The following TRPM3 variants were observed in gnomAD, a reference collection of about 807,000 sequenced individuals.
TRPM3 encodes the protein long transient receptor potential channel 3.
In TRPM3, 77 loss-of-function variants were observed where a neutral mutation model predicts 181.2. The observed-to-expected ratio is 0.42, with a 90% CI of 0.35 to 0.51. TRPM3 has a LOEUF of 0.51. Ranked by LOEUF, TRPM3 falls within the 20% of genes least tolerant of loss-of-function variation. TRPM3 has a pLI of 0.01. For missense variants in TRPM3, 1,759 were observed against 2,196.7 expected (o/e 0.80, Z 3.98); for synonymous variants, 745 against 796.4 (o/e 0.94, Z 1.09).
intron 22 of TRPM3, among the ~76,000 whole-genome samples, chr9:70,589,287 G>C (rs1192612717): frequency 6.6e-6 from 1 of 152,112 alleles, no homozygotes; most frequent in Admixed American, 6.5e-5. Flanking sequence ...TGTTGCACTA[G>C]GCTGGGTTCA....
intron 1 of TRPM3, among the ~76,000 whole-genome samples, chr9:71,107,607 T>C (rs1167042668): frequency 1.3e-5 from 2 of 152,162 alleles, no homozygotes; most frequent in Non-Finnish European, 2.9e-5. Context: ...AATGAATAAG[T>C]ATGTGAAGAG....
chr9:70,739,685 A>C (rs2073585306), intron 8 of TRPM3, among the ~76,000 whole-genome samples: 1 of 151,910 alleles, frequency 6.6e-6, no homozygotes, highest in African/African-American at 2.4e-5. Context: ...ATCTCAATTC[A>C]CTGCAACTTC....
At chr9:70,936,758 A>T (rs1335166318) in intron 1 of TRPM3, among the ~76,000 whole-genome samples, 1 of 152,200 alleles carries the variant, frequency 6.6e-6, no homozygotes, top group Non-Finnish European at 1.5e-5. Flanking sequence ...TTCACTCCAG[A>T]AGAGAGCTGT....
At chr9:70,569,123 T>C (rs1310236605) in intron 22 of TRPM3, among the ~76,000 whole-genome samples, 1 of 152,198 alleles carries the variant, frequency 6.6e-6, no homozygotes, top group African/African-American at 2.4e-5. Flanking sequence ...CTAGGAAATA[T>C]CATTTATATT....
intron 7 of TRPM3, chr9:70,775,401 C>G (rs974001934): frequency 6.6e-6 from 1 of 152,196 alleles, no homozygotes; most frequent in African/African-American, 2.4e-5. Context: ...GCTTGGAGAA[C>G]AGTGGGGAGG....
chr9:70,980,650 C>G, intron 1 of TRPM3, among the ~76,000 whole-genome samples: 1 of 152,166 alleles, frequency 6.6e-6, no homozygotes, highest in East Asian at 1.9e-4. Context: ...CTGTTTCCAT[C>G]TCTTTTACTT....
chr9:71,249,638 G>GA (rs569782944), intron 1 of TRPM3, among the ~76,000 whole-genome samples: 1 of 151,970 alleles, frequency 6.6e-6, no homozygotes, highest in Non-Finnish European at 1.5e-5. Flanking sequence ...GATAAAAAGG[G>GA]AAAAAAATTA....
chr9:70,564,864 CATT>C (rs1405719489), intron 22 of TRPM3, among the ~76,000 whole-genome samples: 2 of 152,186 alleles, frequency 1.3e-5, no homozygotes, highest in African/African-American at 4.8e-5. Context: ...TTCCTGCTGA[CATT>C]ATTTACAAAT....
intron 1 of TRPM3, among the ~76,000 whole-genome samples, chr9:71,076,867 T>A (rs1026096737): frequency 6.6e-6 from 1 of 152,170 alleles, no homozygotes; most frequent in African/African-American, 2.4e-5. Context: ...AAAACTAGAC[T>A]ACAAACTCAA....
At chr9:71,071,470 G>C (rs2062757721) in intron 1 of TRPM3, among the ~76,000 whole-genome samples, 1 of 152,156 alleles carries the variant, frequency 6.6e-6, no homozygotes, top group Non-Finnish European at 1.5e-5. Flanking sequence ...CAAATGATGA[G>C]AGATTGTTAG....
rs1465234311 is a variant in TRPM3 at position 70,769,607 on chromosome 9, GTTAT to G, written c.1149-7887_1149-7884del. Among the ~76,000 whole-genome samples the G allele has an allele frequency of 2.6e-5, 4 of 152,028 alleles. No individual in the cohort carries two copies. The South Asian group carries it at 8.3e-4, about 32-fold the overall frequency. The stretch of plus-strand genomic sequence containing the variant: ...ATCAAGACATTGCAGTGTATCCCAT[GTTAT>G]TTGTCAATTAAAAATAAAATTTAAG... On this transcript the variant is annotated intron_variant, in intron 7 of 25. Transcript: ENST00000677713.
rs139310932 is a variant in TRPM3 at position 70,907,402 on chromosome 9, C to T, written c.178-42891G>A. ...GATGATTTTGCTCTTAAAATGTCTC[C>T]GAAGTAAGTGCTGAAGTGCTGTGTA... On this transcript the variant is annotated intron_variant, in intron 1 of 25. Transcript: ENST00000677713. 8.0e-4 allele frequency among the ~76,000 whole-genome samples: 121 copies of T among 152,172 alleles called. 1 individual carries two copies. The South Asian group carries it at 0.014, about 18-fold the overall frequency.
chr9:71,051,944 T>C (rs142507714), intron 1 of TRPM3, among the ~76,000 whole-genome samples: 12 of 152,144 alleles, frequency 7.9e-5, no homozygotes, highest in African/African-American at 2.6e-4. Flanking sequence ...AGGGGGGTTG[T>C]TTCCGTATCT....
At chr9:71,056,832 AGTGTATG>A (rs1326072160) in intron 1 of TRPM3, among the ~76,000 whole-genome samples, 1 of 151,978 alleles carries the variant, frequency 6.6e-6, no homozygotes, top group Non-Finnish European at 1.5e-5. Context: ...TAGACCACCC[AGTGTATG>A]TTACTTTGTT....
intron 1 of TRPM3, among the ~76,000 whole-genome samples, chr9:71,210,953 C>T (rs937089321): frequency 1.3e-5 from 2 of 152,144 alleles, no homozygotes; most frequent in Non-Finnish European, 2.9e-5. Flanking sequence ...TAAGAGGGAA[C>T]CAGCTCAATT....
intron 1 of TRPM3, among the ~76,000 whole-genome samples, chr9:71,251,912 A>G (rs1290291847): frequency 1.3e-5 from 2 of 151,866 alleles, no homozygotes; most frequent in Non-Finnish European, 2.9e-5. Flanking sequence ...CTGTGTGTTT[A>G]ATTGTTTTGA....
intron 1 of TRPM3, among the ~76,000 whole-genome samples, chr9:71,331,670 G>T (rs1239915677): frequency 6.8e-6 from 1 of 147,606 alleles, no homozygotes; most frequent in East Asian, 2.0e-4. Context: ...GGAAGAGGAG[G>T]AGGAGGAGGA....
Position 70,681,909 on chromosome 9 carries a change from T to C in TRPM3, c.1273-331A>G, listed in dbSNP as rs2065543578. Among the ~76,000 whole-genome samples the C allele has an allele frequency of 2.6e-5, 4 of 152,306 alleles. No homozygotes were observed. The South Asian group carries it at 8.3e-4, about 32-fold the overall frequency. The stretch of plus-strand genomic sequence containing the variant: ...GTGATAGCTTTAGGAGGTGGGTCTT[T>C]GGGAGGTCATTAGGTGATGATTAAT... On this transcript the variant is annotated intron_variant, in intron 8 of 25. Coordinates refer to ENST00000677713, the MANE Select transcript of TRPM3 (RefSeq NM_001366145.2).
chr9:71,006,044 G>C (rs1260188463), intron 1 of TRPM3, among the ~76,000 whole-genome samples: 2 of 152,132 alleles, frequency 1.3e-5, no homozygotes, highest in Non-Finnish European at 2.9e-5. Flanking sequence ...AGGGGACGTG[G>C]TATTAAAATA....
Sources: gnomAD v4.1 joint callset for allele counts (sites outside exome capture counted in the v4.1 genomes callset) on GRCh38, gnomAD v4.1.1 for gene constraint, MANE v1.5 for transcripts, NCBI Gene and HGNC (gene_info 2026-07-23, HGNC 2026-07-21) for gene names.